VEZT: variants seen among roughly 807,000 people sequenced by gnomAD.
VEZT encodes the protein vezatin.
VEZT carries 39 observed loss-of-function variants against 79.9 expected under a neutral mutation model. The ratio of observed to expected loss-of-function variants is 0.49; its 90% CI spans 0.38 to 0.64. The LOEUF (loss-of-function observed/expected upper bound fraction) is 0.64. Ranked by LOEUF, VEZT falls within the 30% of genes least tolerant of loss-of-function variation. VEZT has a pLI of 0.00. For missense variants in VEZT, 837 were observed against 893.1 expected, an observed-to-expected ratio of 0.94 and a Z score of 0.80; for synonymous variants, 325 against 327.6, an observed-to-expected ratio of 0.99 and a Z score of 0.09.
In VEZT at chr12:95,238,796, G is replaced by T. The variant is rs1201541252; in HGVS notation, c.37-13144G>T. On this transcript the variant is annotated intron_variant, in intron 1 of 11. Transcript: ENST00000436874. ...TTTCAATCAGTAATCAAGTTATTTTGATTTTAATACTTAAACACATTTATT... is the reference window on the plus strand; with the variant it reads ...TTTCAATCAGTAATCAAGTTATTTTTATTTTAATACTTAAACACATTTATT... Among the ~76,000 whole-genome samples, 5 of 152,066 alleles carry T rather than the reference G, an allele frequency of 3.3e-5. No homozygotes were observed. In the East Asian group the frequency reaches 5.8e-4, roughly 18 times the overall value.
At chr12:95,293,982 C>T (rs1006645997) in intron 9 of VEZT, 5 of 330,376 alleles carry the variant, frequency 1.5e-5, no homozygotes, top group Admixed American at 4.3e-5. Flanking sequence ...TTGATCTCCC[C>T]AGCTCAAGCG....
chr12:95,239,982 G>GGA (rs1555246325), intron 1 of VEZT, among the ~76,000 whole-genome samples: 4 of 131,764 alleles, frequency 3.0e-5, no homozygotes, highest in East Asian at 2.2e-4. Context: ...GAGAGAGAGA[G>GGA]GAGAGAGAGA....
chr12:95,294,755 T>C (rs919954957), intron 10 of VEZT, among the ~76,000 whole-genome samples: 10 of 152,218 alleles, frequency 6.6e-5, no homozygotes, highest in Non-Finnish European at 1.3e-4. Context: ...GCATTGGATA[T>C]TGACAAAGGT....
intron 7 of VEZT, among the ~76,000 whole-genome samples, chr12:95,280,471 CACACACAT>C (rs1442618063): frequency 8.3e-6 from 1 of 120,888 alleles, no homozygotes; most frequent in Non-Finnish European, 1.8e-5. Flanking sequence ...CATATGTGTA[CACACACAT>C]ACACACACAC....
chr12:95,242,876 C>CAAAA (rs367689756), intron 1 of VEZT, among the ~76,000 whole-genome samples: 1 of 64,266 alleles, frequency 1.6e-5, no homozygotes, highest in Non-Finnish European at 3.4e-5. Flanking sequence ...TCCATCTCAC[C>CAAAA]AAAAAAAAAA....
At chr12:95,224,530 A>G (rs1050303679) in intron 1 of VEZT, among the ~76,000 whole-genome samples, 4 of 152,134 alleles carry the variant, frequency 2.6e-5, no homozygotes, top group Admixed American at 2.6e-4. Context: ...AGGAGCAGCC[A>G]TCTTATTTCC....
At position 95,283,193 on chromosome 12, in the gene VEZT, A is replaced by G. The variant is rs1030146213; in HGVS notation, c.1328+549A>G. Reference sequence around the variant, plus strand: ...TATATTTGTTCATTTCCTACCTTGCATGAAATTGTTGGTATACTACCTTAA... The same window carrying G: ...TATATTTGTTCATTTCCTACCTTGCGTGAAATTGTTGGTATACTACCTTAA... On this transcript the variant is annotated intron_variant, in intron 8 of 11. Transcript: ENST00000436874. 2.0e-5 allele frequency among the ~76,000 whole-genome samples: 3 copies of G among 152,352 alleles called. No individual in the cohort carries two copies. In the East Asian group the frequency reaches 5.8e-4, roughly 29 times the overall value.
chr12:95,234,786 T>C (rs1283672441), intron 1 of VEZT, among the ~76,000 whole-genome samples: 1 of 152,182 alleles, frequency 6.6e-6, no homozygotes, highest in Admixed American at 6.5e-5. Context: ...CTGGTTTTCC[T>C]AGGCAGAGGA....
chr12:95,225,604 T>A (rs2058317088), intron 1 of VEZT, among the ~76,000 whole-genome samples: 1 of 151,846 alleles, frequency 6.6e-6, no homozygotes, highest in Non-Finnish European at 1.5e-5. Context: ...TCACCACATC[T>A]GCCTCTCAAT....
rs377540831 is a variant in VEZT, at chr12:95,282,360, G to A, written c.1044G>A (p.Arg348=). 8.1e-6 allele frequency: 13 copies of A among 1,613,636 alleles called. No homozygotes were observed. Among genetic ancestry groups the A allele is most frequent in the Non-Finnish European group, 1.1e-5 (13 of 1,179,870 alleles). ...WVAQSSEFFR[R]LALLLSTANS... ...CACAGAGTTCAGAGTTCTTCAGACG[G>A]TTAGCCCTATTACTTTCTACAGCCA... is the stretch of plus-strand genomic sequence containing the variant. The change falls in exon 8 of 12, where the codon CGG becomes CGA. Residue 348 remains arginine, a synonymous_variant. Coordinates refer to ENST00000436874, the MANE Select transcript of VEZT (RefSeq NM_017599.4).
chr12:95,249,836 A>G (rs2062240523), intron 1 of VEZT, among the ~76,000 whole-genome samples: 1 of 152,142 alleles, frequency 6.6e-6, no homozygotes, highest in African/African-American at 2.4e-5. Flanking sequence ...ATTTTAGGTA[A>G]TAGAGTATAA....
chr12:95,226,643 T>G (rs546929313), intron 1 of VEZT, among the ~76,000 whole-genome samples: 27 of 132,474 alleles, frequency 2.0e-4, no homozygotes, highest in African/African-American at 6.8e-4. Flanking sequence ...TGTACTATAT[T>G]TTGGGTCATT....
intron 3 of VEZT, 142 bp from the exon 4 acceptor site, chr12:95,262,764 A>G (rs780669012): frequency 2.8e-5 from 18 of 650,658 alleles, no homozygotes; most frequent in Non-Finnish European, 3.9e-5. Flanking sequence ...TATCATACTG[A>G]AGGTAGATTG....
At chr12:95,252,416 T>G (rs2062748706) in intron 2 of VEZT, 1 of 163,040 alleles carries the variant, frequency 6.1e-6, no homozygotes, top group South Asian at 2.0e-4. Context: ...CTTTAAATCT[T>G]TTTTTTAAAA....
At chr12:95,261,736 A>G (rs973781905) in intron 3 of VEZT, among the ~76,000 whole-genome samples, 1 of 152,222 alleles carries the variant, frequency 6.6e-6, no homozygotes, top group Admixed American at 6.5e-5. Flanking sequence ...TTAATACAAA[A>G]TACAACTTTA....
At chr12:95,235,120 T>C (rs1420379798) in intron 1 of VEZT, among the ~76,000 whole-genome samples, 3 of 152,026 alleles carry the variant, frequency 2.0e-5, no homozygotes, top group African/African-American at 7.2e-5. Flanking sequence ...CCCCCCTTTC[T>C]ATTCCACAAA....
intron 3 of VEZT, among the ~76,000 whole-genome samples, chr12:95,260,903 C>T (rs756225730): frequency 3.3e-5 from 5 of 150,474 alleles, no homozygotes; most frequent in Non-Finnish European, 7.4e-5. Flanking sequence ...TAAGTGGTTC[C>T]TAATGTTAGA....
chr12:95,268,583 TA>T (rs763582684), intron 5 of VEZT, among the ~76,000 whole-genome samples: 6 of 152,328 alleles, frequency 3.9e-5, no homozygotes, highest in Non-Finnish European at 8.8e-5. Flanking sequence ...AACTAATGGT[TA>T]GGCGTGTATA....
intron 1 of VEZT, among the ~76,000 whole-genome samples, chr12:95,221,855 CA>C (rs34721136): frequency 0.29 from 43,476 of 151,548 alleles, 7,145 homozygotes; most frequent in African/African-American, 0.46. Context: ...AATAAATACT[CA>C]AAAATATTCA....
Sources: allele counts gnomAD v4.1 joint callset (sites outside exome capture counted in the v4.1 genomes callset), GRCh38; gene constraint gnomAD v4.1.1; transcripts MANE v1.5; gene names NCBI Gene and HGNC (gene_info 2026-07-23, HGNC 2026-07-21).